SEC24A: variants seen among roughly 807,000 people sequenced by gnomAD.
SEC24A encodes protein transport protein Sec24A.
SEC24A carries 93 observed loss-of-function variants against 129.4 expected under a neutral mutation model. The ratio of observed to expected loss-of-function variants is 0.72; its 90% CI spans 0.61 to 0.85. The LOEUF (loss-of-function observed/expected upper bound fraction) is 0.85. Among genes scored for constraint, SEC24A ranks in the 40% least tolerant of loss-of-function variants. The pLI is 0.00. For synonymous variants in SEC24A, 460 were observed against 467.3 expected (o/e 0.98, Z 0.20); for missense variants, 1,264 against 1,307.4 (o/e 0.97, Z 0.51).
At chr5:134,703,972 T>C (rs1240550190) in intron 16 of SEC24A, 40 bp downstream of exon 16, 1 of 1,385,224 alleles carries the variant, frequency 7.2e-7, no homozygotes, top group South Asian at 1.3e-5. Flanking sequence ...AATGTTCAAA[T>C]ATTGTCTGGA....
In SEC24A at chr5:134,720,909, T is replaced by C. The variant is rs527621094; in HGVS notation, c.2971-89T>C. 2.4e-5 allele frequency: 16 copies of C among 667,970 alleles called. No homozygotes were observed. The East Asian group carries it at 3.8e-4, about 16-fold the overall frequency. 41.4% of individuals were successfully genotyped at this position (667,970 alleles called of 1,614,324 possible). On this transcript the variant is annotated intron_variant, in intron 20 of 22. Transcript: ENST00000398844. ...AGAGTGAGACCCTATCTCACAAATA[T>C]ATATATAAAATAAAAATAAAATGTA...
intron 4 of SEC24A, among the ~76,000 whole-genome samples, chr5:134,672,924 G>C (rs188554379): frequency 6.0e-5 from 9 of 150,988 alleles, no homozygotes; most frequent in African/African-American, 1.2e-4. Context: ...TTGTAGAGAT[G>C]GGGGGGTGGG....
chr5:134,683,732 T>G (rs1751353491), intron 9 of SEC24A, among the ~76,000 whole-genome samples: 1 of 152,174 alleles, frequency 6.6e-6, no homozygotes, highest in Admixed American at 6.5e-5. Flanking sequence ...TTAGGCTGCT[T>G]GTGAATGCCT....
intron 2 of SEC24A, among the ~76,000 whole-genome samples, chr5:134,664,960 A>G (rs1750607059): frequency 6.6e-6 from 1 of 150,944 alleles, no homozygotes. Context: ...CACCACGCCC[A>G]GCTAATTTTT....
At chr5:134,649,811 A>G (rs1002901363) in intron 1 of SEC24A, among the ~76,000 whole-genome samples, 1 of 152,230 alleles carries the variant, frequency 6.6e-6, no homozygotes, top group South Asian at 2.1e-4. Context: ...AAGAGTCTAC[A>G]TGTACATTAT....
At chr5:134,654,143 AG>A (rs541450570) in intron 1 of SEC24A, among the ~76,000 whole-genome samples, 303 of 152,050 alleles carry the variant, frequency 2.0e-3, no homozygotes, top group African/African-American at 7.0e-3. Context: ...TGGGCAACAG[AG>A]TGAGAACCTG....
At position 134,648,946 on chromosome 5, in the gene SEC24A, C is replaced by T. The variant is rs1023180900; in HGVS notation, c.-131C>T. 4.9e-6 allele frequency: 3 copies of T among 618,446 alleles called. No individual in the cohort carries two copies. Among genetic ancestry groups the T allele is most frequent in the South Asian group, 2.1e-5 (1 of 47,102 alleles). 38.3% of individuals were successfully genotyped at this position (618,446 alleles called of 1,614,324 possible). On this transcript the variant is annotated 5_prime_UTR_variant, in exon 1 of 23. Coordinates refer to ENST00000398844, the MANE Select transcript of SEC24A (RefSeq NM_021982.3). ...GCGGCGCCATGCCTCGGGCTTAATG[C>T]GCCCCCCCCTCTTCTCCCAGTCTTC...
chr5:134,672,647 T>A (rs1014357826), intron 4 of SEC24A, among the ~76,000 whole-genome samples: 17 of 152,236 alleles, frequency 1.1e-4, no homozygotes, highest in Admixed American at 7.2e-4. Flanking sequence ...TAACATTTTT[T>A]ATTTCTATGC....
Position 134,686,879 on chromosome 5 carries a change from G to C in SEC24A, c.1581G>C (p.Gln527His), listed in dbSNP as rs879210570. 2.5e-6 allele frequency: 4 copies of C among 1,603,594 alleles called. No homozygotes were observed. Among genetic ancestry groups the C allele is most frequent in the South Asian group, 2.2e-5 (2 of 89,864 alleles). The change falls in exon 10 of 23, where the codon CAG (glutamine) becomes CAC (histidine). Residue 527 changes from glutamine to histidine, a missense_variant. Gln to His is a conservative substitution (Grantham distance 24, BLOSUM62 0). Coordinates refer to ENST00000398844, the MANE Select transcript of SEC24A (RefSeq NM_021982.3). ...CTGGATACTTGAATTCAGTTTGCCA[G>C]AGTTTGTTAGACAATCTGGATTTGT... ...VETGYLNSVC[Q>H]SLLDNLDLLP...
chr5:134,726,320 G>A lies in SEC24A; in HGVS notation c.*1226G>A, dbSNP rs1172745136. ...GTGACATAGTATCTTTAAGAGTTTG[G>A]CTCAGTTTTCACAGATTCATTTTGT... On this transcript the variant is annotated 3_prime_UTR_variant, in exon 23 of 23. Coordinates refer to ENST00000398844, the MANE Select transcript of SEC24A (RefSeq NM_021982.3). 6.6e-6 allele frequency: 1 copy of A among 152,454 alleles called. No homozygotes were observed. The highest frequency in any genetic ancestry group is 6.6e-5 in the Admixed American group (1 of 15,254). The allele number at this position is 152,454 out of a possible 1,614,324, so 9.4% of individuals were successfully genotyped here.
rs116844967 is a variant in SEC24A at position 134,710,692 on chromosome 5, T to C, written c.2727+1804T>C. Among the ~76,000 whole-genome samples the C allele has an allele frequency of 1.9e-3, 283 of 152,322 alleles. 2 individuals carry two copies. Among genetic ancestry groups the C allele is most frequent in the East Asian group, 0.018 (92 of 5,192 alleles). ...AGGGTTTTTCATTTGCTACTTATTA[T>C]TTATATGTCTCCCCTGCCTGCTCTT... On this transcript the variant is annotated intron_variant, in intron 18 of 22. Coordinates refer to ENST00000398844, the MANE Select transcript of SEC24A (RefSeq NM_021982.3).
chr5:134,694,497 A>G (rs1299975670), intron 13 of SEC24A, among the ~76,000 whole-genome samples: 2 of 152,064 alleles, frequency 1.3e-5, no homozygotes, highest in Non-Finnish European at 2.9e-5. Context: ...AATATAAAAA[A>G]TTAGCCGGGT....
Position 134,703,948 on chromosome 5 carries a change from T to G in SEC24A, c.2440+16T>G. ...TCCAGCAAAGGTAAATTGTTTGTTT[T>G]TTTTTGGATTTCAAATGTTCAAATA... On this transcript the variant is annotated intron_variant, in intron 16 of 22. Transcript: ENST00000398844. The G allele has an allele frequency of 6.5e-7, 1 of 1,527,360 alleles. No homozygotes were observed. The highest frequency in any genetic ancestry group is 1.3e-5 in the South Asian group (1 of 79,680). 94.6% of individuals were successfully genotyped at this position (1,527,360 alleles called of 1,614,324 possible).
intron 2 of SEC24A, among the ~76,000 whole-genome samples, chr5:134,662,475 T>C (rs1750507514): frequency 6.6e-6 from 1 of 152,140 alleles, no homozygotes; most frequent in African/African-American, 2.4e-5. Context: ...AATTCTGTAT[T>C]GGGATCTGCA....
intron 14 of SEC24A, 94 bp from the exon 15 acceptor site, chr5:134,697,805 A>G (rs1396442495): frequency 1.6e-6 from 2 of 1,277,592 alleles, no homozygotes; most frequent in Non-Finnish European, 2.2e-6. Flanking sequence ...TACCTTGGAA[A>G]GTTAAAGAAA....
chr5:134,688,423 T>A (rs1751522091), intron 11 of SEC24A, 124 bp downstream of exon 11: 1 of 647,110 alleles, frequency 1.5e-6, no homozygotes, highest in South Asian at 2.0e-5. Flanking sequence ...AAATCATGAT[T>A]GTTGGAGTTG....
intron 2 of SEC24A, among the ~76,000 whole-genome samples, chr5:134,663,270 C>A (rs1018058516): frequency 6.6e-6 from 1 of 151,804 alleles, no homozygotes; most frequent in Non-Finnish European, 1.5e-5. Flanking sequence ...AGGGTCTTAC[C>A]CTGTCGCCCA....
chr5:134,724,803 C>T (rs1465802198), intron 22 of SEC24A, among the ~76,000 whole-genome samples, 177 bp from the exon 23 acceptor site: 1 of 152,138 alleles, frequency 6.6e-6, no homozygotes, highest in Non-Finnish European at 1.5e-5. Context: ...CCACCATAAG[C>T]TTTTCCCTTA....
intron 8 of SEC24A, 90 bp from the exon 9 acceptor site, chr5:134,682,283 G>T: frequency 1.6e-6 from 1 of 640,578 alleles, no homozygotes; most frequent in Non-Finnish European, 2.7e-6. Context: ...ATGAATGTTT[G>T]TCATCTTTTC....
Sources: gnomAD v4.1 joint callset for allele counts (sites outside exome capture counted in the v4.1 genomes callset) on GRCh38, gnomAD v4.1.1 for gene constraint, MANE v1.5 for transcripts, NCBI Gene and HGNC (gene_info 2026-07-23, HGNC 2026-07-21) for gene names.